The following MIA2 variants were observed in gnomAD, a reference collection of about 807,000 sequenced individuals.
The protein encoded by MIA2 is MIA SH3 domain ER export factor 2.
In MIA2, 127 loss-of-function variants were observed where a neutral mutation model predicts 167.8. The observed-to-expected ratio is 0.76, with a 90% CI of 0.66 to 0.88. The LOEUF (loss-of-function observed/expected upper bound fraction) is 0.88. MIA2 is among the 40% of genes least tolerant of loss of function. The probability of loss-of-function intolerance (pLI) is 0.00; values close to 1 mark genes in which losing one functional copy is unlikely to be tolerated. For synonymous variants in MIA2, 552 were observed against 541.9 expected (o/e 1.02, Z -0.26); for missense variants, 1,690 against 1,624.7 (o/e 1.04, Z -0.69).
chr14:39,285,269 A>C (rs1429543724), intron 9 of MIA2, among the ~76,000 whole-genome samples: 2 of 151,690 alleles, frequency 1.3e-5, no homozygotes, highest in African/African-American at 2.4e-5. Flanking sequence ...TGTTGGGTAC[A>C]CCTCCCAGAC....
At position 39,347,050 on chromosome 14, in the gene MIA2, C is replaced by T. The variant is rs555802927; in HGVS notation, c.3779-663C>T. On this transcript the variant is annotated intron_variant, in intron 26 of 28. Transcript: ENST00000640607. ...GGTTAAAGAGAAACCCAGGAGGTTTCACTTGTGTCAAGCACAAGTGAAAAA... is the reference window on the plus strand; with the variant it reads ...GGTTAAAGAGAAACCCAGGAGGTTTTACTTGTGTCAAGCACAAGTGAAAAA... The T allele has an allele frequency of 9.2e-5, 15 of 163,446 alleles. No individual in the cohort carries two copies. The South Asian group carries it at 2.3e-3, about 25-fold the overall frequency. 10.1% of individuals were successfully genotyped at this position (163,446 alleles called of 1,614,324 possible).
At chr14:39,317,316 G>T (rs572228333) in intron 21 of MIA2, among the ~76,000 whole-genome samples, 1 of 152,328 alleles carries the variant, frequency 6.6e-6, no homozygotes, top group Admixed American at 6.5e-5. Flanking sequence ...GCTACCCACA[G>T]GAGCAGACGG....
intron 11 of MIA2, 151 bp from the exon 12 acceptor site, chr14:39,293,848 CT>C (rs1566777272): frequency 3.3e-6 from 2 of 609,260 alleles, no homozygotes; most frequent in African/African-American, 3.9e-5. Context: ...TATAAAATCC[CT>C]TTTAGCATAT....
chr14:39,347,818 C>CTTTTTTTTTTTTT (rs59832680), intron 27 of MIA2, 47 bp downstream of exon 27: 4 of 706,360 alleles, frequency 5.7e-6, no homozygotes, highest in African/African-American at 2.7e-5. Flanking sequence ...CAGAAGCCTT[C>CTTTTTTTTTTTTT]TTTTTTTTTT....
At chr14:39,265,240 G>T in intron 6 of MIA2, 1 of 641,774 alleles carries the variant, frequency 1.6e-6, no homozygotes, top group East Asian at 3.0e-5. Context: ...TCCACCTGTA[G>T]CACCCCTTTA....
intron 6 of MIA2, chr14:39,265,447 T>C (rs374163499): frequency 9.6e-5 from 151 of 1,580,818 alleles, no homozygotes; most frequent in Non-Finnish European, 1.6e-5. Context: ...TTAAGCATAC[T>C]GAAACAAATG....
intron 22 of MIA2, 99 bp from the exon 23 acceptor site, chr14:39,319,110 T>C (rs1290082935): frequency 1.1e-5 from 6 of 551,914 alleles, no homozygotes; most frequent in African/African-American, 9.4e-5. Context: ...TGTGTAGATA[T>C]TAAAATAGTG....
intron 24 of MIA2, among the ~76,000 whole-genome samples, chr14:39,323,528 C>T (rs1340464255): frequency 7.7e-6 from 1 of 130,488 alleles, no homozygotes; most frequent in Non-Finnish European, 1.6e-5. Flanking sequence ...CTAACATAAA[C>T]ATGATTGAAA....
intron 23 of MIA2, among the ~76,000 whole-genome samples, chr14:39,381,780 T>C (rs2075169010): frequency 6.6e-6 from 1 of 151,606 alleles, no homozygotes; most frequent in African/African-American, 2.4e-5. Flanking sequence ...TCAGGTAGAG[T>C]TGGTCAAACC....
At chr14:39,352,294 T>A (rs1302449067), downstream of MIA2, among the ~76,000 whole-genome samples, 1 of 151,972 alleles carries the variant, frequency 6.6e-6, no homozygotes, top group Admixed American at 6.6e-5. Flanking sequence ...CCTGCCTTTT[T>A]ACTAATTTCT....
chr14:39,294,881 A>G lies in MIA2; in HGVS notation c.2392-44A>G, dbSNP rs202116327. The G allele has an allele frequency of 1.6e-5, 20 of 1,280,140 alleles. No individual in the cohort carries two copies. The East Asian group carries it at 3.2e-4, about 21-fold the overall frequency. The allele number at this position is 1,280,140 out of a possible 1,614,324, so 79.3% of individuals were successfully genotyped here. On this transcript the variant is annotated intron_variant, in intron 12 of 28. Transcript: ENST00000640607. ...GAGTATGTGTAAAGATGAGCTATGTATTAAATTAATTGTTACAAACTTGAC... is the reference window on the plus strand; with the variant it reads ...GAGTATGTGTAAAGATGAGCTATGTGTTAAATTAATTGTTACAAACTTGAC...
intron 24 of MIA2, among the ~76,000 whole-genome samples, chr14:39,321,482 T>G (rs1000852374): frequency 2.7e-5 from 4 of 150,828 alleles, no homozygotes; most frequent in African/African-American, 9.7e-5. Context: ...CCCGGCTAAT[T>G]TTTTTTTGTA....
At chr14:39,374,522 A>C (rs1272861916) in intron 23 of MIA2, among the ~76,000 whole-genome samples, 1 of 152,252 alleles carries the variant, frequency 6.6e-6, no homozygotes, top group Non-Finnish European at 1.5e-5. Context: ...GATCTTTCAA[A>C]AGGCAAAACA....
intron 6 of MIA2, among the ~76,000 whole-genome samples, chr14:39,274,891 A>G (rs1460154600): frequency 1.3e-5 from 2 of 148,610 alleles, no homozygotes; most frequent in African/African-American, 2.5e-5. Context: ...TCTGGCCAAC[A>G]TGGTGAAACC....
chr14:39,300,953 C>A (rs62000668), intron 14 of MIA2, among the ~76,000 whole-genome samples: 20 of 9,958 alleles, frequency 2.0e-3, no homozygotes, highest in African/African-American at 5.5e-3. Context: ...CATATATACA[C>A]ATACATATAC....
At chr14:39,316,310 C>T (rs1413926026) in intron 21 of MIA2, among the ~76,000 whole-genome samples, 1 of 152,110 alleles carries the variant, frequency 6.6e-6, no homozygotes, top group Non-Finnish European at 1.5e-5. Flanking sequence ...TAGTAGCTGG[C>T]CTTTGGAGTA....
At chr14:39,358,352 TG>T (rs1297676524) in intron 23 of MIA2, among the ~76,000 whole-genome samples, 3 of 152,394 alleles carry the variant, frequency 2.0e-5, no homozygotes, top group African/African-American at 7.2e-5. Flanking sequence ...AATCGGCTAC[TG>T]AAGCTTGTGC....
intron 23 of MIA2, among the ~76,000 whole-genome samples, chr14:39,368,654 GTC>G (rs142313675): frequency 0.081 from 11,730 of 145,402 alleles, 1,556 homozygotes; most frequent in African/African-American, 0.27. Context: ...TATATTTTTA[GTC>G]TCTACTTTTT....
intron 25 of MIA2, among the ~76,000 whole-genome samples, chr14:39,341,354 A>G (rs933702829): frequency 1.3e-5 from 2 of 152,182 alleles, no homozygotes; most frequent in Admixed American, 6.5e-5. Flanking sequence ...GATGGATAAT[A>G]TAACATATTT....
Sources: allele counts gnomAD v4.1 joint callset (sites outside exome capture counted in the v4.1 genomes callset), GRCh38; gene constraint gnomAD v4.1.1; transcripts MANE v1.5; gene names NCBI Gene and HGNC (gene_info 2026-07-23, HGNC 2026-07-21).